The following FBXL20 variants were observed in gnomAD, a reference collection of about 807,000 sequenced individuals.
FBXL20 encodes the protein F-box and leucine rich repeat protein 20, also known as F-box/LRR-repeat protein 20.
FBXL20 carries 11 observed loss-of-function variants against 64.0 expected under a neutral mutation model. The observed-to-expected ratio is 0.17, with a 90% confidence interval of 0.11 to 0.28. The LOEUF is 0.28. Ranked by LOEUF, FBXL20 falls within the 10% of genes least tolerant of loss-of-function variation. The pLI is 1.00. For synonymous variants in FBXL20, 184 were observed against 189.0 expected (o/e 0.97, Z 0.22); for missense variants, 303 against 526.2 (o/e 0.58, Z 4.15).
chr17:39,271,309 T>C (rs1370451209), intron 10 of FBXL20, among the ~76,000 whole-genome samples: 3 of 152,084 alleles, frequency 2.0e-5, no homozygotes, highest in Non-Finnish European at 4.4e-5. Context: ...TTAAAAAAAA[T>C]GTGACAGGCC....
intron 2 of FBXL20, among the ~76,000 whole-genome samples, chr17:39,322,824 A>G (rs1224687532): frequency 2.0e-5 from 3 of 152,138 alleles, no homozygotes; most frequent in Non-Finnish European, 4.4e-5. Flanking sequence ...TTATTTTTTG[A>G]GACAGAGTCT....
chr17:39,363,291 G>A (rs2144619087), intron 1 of FBXL20, among the ~76,000 whole-genome samples: 1 of 151,958 alleles, frequency 6.6e-6, no homozygotes, highest in East Asian at 1.9e-4. Flanking sequence ...TGGGATTATG[G>A]GTGTGAGCCA....
chr17:39,317,323 C>T (rs866850503), intron 2 of FBXL20, among the ~76,000 whole-genome samples: 11 of 152,036 alleles, frequency 7.2e-5, no homozygotes, highest in Non-Finnish European at 8.8e-5. Context: ...CCTCCGCTTC[C>T]GGGGTTCAAC....
At chr17:39,347,534 G>A (rs1025916148) in intron 1 of FBXL20, among the ~76,000 whole-genome samples, 2 of 152,128 alleles carry the variant, frequency 1.3e-5, no homozygotes, top group African/African-American at 4.8e-5. Context: ...TTTTGATGGG[G>A]TTGTTTGATT....
chr17:39,283,060 C>A (rs929893860), intron 7 of FBXL20, among the ~76,000 whole-genome samples: 1 of 152,074 alleles, frequency 6.6e-6, no homozygotes, highest in African/African-American at 2.4e-5. Flanking sequence ...ATCTAAAATC[C>A]AGCTTAACCA....
chr17:39,331,254 T>A (rs545297101), intron 2 of FBXL20, among the ~76,000 whole-genome samples: 4 of 152,222 alleles, frequency 2.6e-5, no homozygotes, highest in Admixed American at 2.6e-4. Context: ...GTGTGTGCCA[T>A]CATGCCCGGC....
At chr17:39,397,365 A>G (rs1483514349) in intron 1 of FBXL20, among the ~76,000 whole-genome samples, 2 of 152,232 alleles carry the variant, frequency 1.3e-5, no homozygotes, top group Non-Finnish European at 2.9e-5. Context: ...ATTGGAGCAT[A>G]TCACTTTCTA....
intron 8 of FBXL20, among the ~76,000 whole-genome samples, chr17:39,281,738 C>A (rs1402707872): frequency 6.6e-6 from 1 of 152,096 alleles, no homozygotes; most frequent in African/African-American, 2.4e-5. Context: ...ATGGGTTTTA[C>A]TTCTGATAAA....
chr17:39,261,672 G>A (rs1464774882), intron 14 of FBXL20, 105 bp from the exon 15 acceptor site: 4 of 807,398 alleles, frequency 5.0e-6, no homozygotes, highest in East Asian at 2.6e-5. Context: ...CATAAAAGCA[G>A]GGCAAAGGCT....
chr17:39,397,956 T>TA (rs2048199831), intron 1 of FBXL20, among the ~76,000 whole-genome samples: 1 of 146,356 alleles, frequency 6.8e-6, no homozygotes, highest in Non-Finnish European at 1.5e-5. Context: ...TCCTCAAGTG[T>TA]AAAACAGAAT....
At chr17:39,361,174 T>C (rs1265055311) in intron 1 of FBXL20, among the ~76,000 whole-genome samples, 3 of 151,958 alleles carry the variant, frequency 2.0e-5, no homozygotes, top group Non-Finnish European at 4.4e-5. Context: ...AATTAGACCA[T>C]AATGAAACCA....
intron 2 of FBXL20, among the ~76,000 whole-genome samples, chr17:39,336,906 C>T (rs2047527564): frequency 6.6e-6 from 1 of 151,394 alleles, no homozygotes; most frequent in Admixed American, 6.6e-5. Context: ...ACAATGCTAA[C>T]CTTCATATAA....
chr17:39,300,975 T>C (rs752924926), intron 4 of FBXL20, 26 bp downstream of exon 4: 4 of 1,607,946 alleles, frequency 2.5e-6, no homozygotes, highest in Middle Eastern at 1.7e-4. Context: ...ACATGAAAAC[T>C]GGGGCCACAC....
intron 1 of FBXL20, among the ~76,000 whole-genome samples, chr17:39,375,796 C>G (rs991723585): frequency 6.6e-6 from 1 of 152,190 alleles, no homozygotes; most frequent in Non-Finnish European, 1.5e-5. Context: ...TTAATTTACC[C>G]CAAATGTGCC....
intron 1 of FBXL20, among the ~76,000 whole-genome samples, chr17:39,392,887 C>T (rs2048147986): frequency 6.6e-6 from 1 of 151,798 alleles, no homozygotes; most frequent in South Asian, 2.1e-4. Flanking sequence ...GTGGTGCATG[C>T]CTGTAATCCC....
intron 1 of FBXL20, among the ~76,000 whole-genome samples, chr17:39,360,604 G>C (rs977573043): frequency 1.3e-5 from 2 of 152,138 alleles, no homozygotes; most frequent in African/African-American, 4.8e-5. Context: ...AGTGAGGCAT[G>C]ATGAATACAC....
At chr17:39,320,191 TGAA>T (rs1232981023) in intron 2 of FBXL20, among the ~76,000 whole-genome samples, 3 of 152,318 alleles carry the variant, frequency 2.0e-5, no homozygotes, top group South Asian at 2.1e-4. Context: ...GTCTGCCTCT[TGAA>T]GAATTCTGTG....
chr17:39,269,415 G>A (rs1373609159), intron 11 of FBXL20, among the ~76,000 whole-genome samples: 3 of 151,546 alleles, frequency 2.0e-5, no homozygotes, highest in African/African-American at 7.3e-5. Context: ...GGATGGTCTC[G>A]ATCTCCTGAC....
intron 10 of FBXL20, among the ~76,000 whole-genome samples, chr17:39,271,210 C>T (rs760042845): frequency 7.9e-5 from 12 of 152,236 alleles, no homozygotes; most frequent in Non-Finnish European, 1.2e-4. Flanking sequence ...ACAAAGGAAA[C>T]GGAGATACTC....
Sources: allele counts gnomAD v4.1 joint callset (sites outside exome capture counted in the v4.1 genomes callset), GRCh38; gene constraint gnomAD v4.1.1; transcripts MANE v1.5; gene names NCBI Gene and HGNC (gene_info 2026-07-23, HGNC 2026-07-21).